Variants in KSR2 observed in about 807,000 individuals in gnomAD.
KSR2 encodes kinase suppressor of ras 2.
Under a neutral mutation model 107.8 loss-of-function variants are expected in KSR2, and 25 were observed. The observed-to-expected ratio is 0.23, with a 90% CI of 0.17 to 0.32. KSR2 has a LOEUF of 0.32. KSR2 is among the 10% of genes least tolerant of loss of function. The pLI, the probability that KSR2 is intolerant of heterozygous loss-of-function variation, is 1.00. For synonymous variants in KSR2, 480 were observed against 507.0 expected (o/e 0.95, Z 0.71); for missense variants, 887 against 1,268.9 (o/e 0.70, Z 4.57).
chr12:117,726,121 T>C (rs983412708), intron 4 of KSR2, among the ~76,000 whole-genome samples: 5 of 151,910 alleles, frequency 3.3e-5, no homozygotes, highest in East Asian at 1.9e-4. Flanking sequence ...TGAGCCCAGA[T>C]AGCATCACTG....
chr12:117,876,422 G>A (rs928146576), intron 1 of KSR2, among the ~76,000 whole-genome samples: 4 of 152,208 alleles, frequency 2.6e-5, no homozygotes, highest in Admixed American at 6.5e-5. Context: ...CAGTCCCGCC[G>A]AATGCTGGAA....
At chr12:117,736,531 C>T (rs585155) in intron 4 of KSR2, among the ~76,000 whole-genome samples, 136,486 of 152,258 alleles carry the variant, frequency 0.9, 61,483 homozygotes, top group African/African-American at 0.98. Context: ...AAGAACCAGC[C>T]GGGCACAGTG....
chr12:117,725,293 A>G (rs1280024805), intron 4 of KSR2, among the ~76,000 whole-genome samples: 1 of 152,206 alleles, frequency 6.6e-6, no homozygotes. Context: ...CCAGAGAGGT[A>G]AGACAGTGTC....
intron 1 of KSR2, among the ~76,000 whole-genome samples, chr12:117,861,551 G>C (rs541301813): frequency 2.0e-5 from 3 of 151,788 alleles, no homozygotes; most frequent in Non-Finnish European, 4.4e-5. Flanking sequence ...ACCACACCCG[G>C]CTAATTTTTT....
rs139303473 is a variant in KSR2 at position 117,871,315 on chromosome 12, G to A, written c.181-10884C>T. ...CAAGGAATGTCACGCCAGGCCAAGC[G>A]CGGTGGCTCACACCTGTAGTCTCAG... is the stretch of plus-strand genomic sequence containing the variant. On this transcript the variant is annotated intron_variant, in intron 1 of 19. Coordinates refer to ENST00000339824, the MANE Select transcript of KSR2 (RefSeq NM_173598.6). Among the ~76,000 whole-genome samples the A allele has an allele frequency of 1.6e-3, 243 of 152,236 alleles. No individual in the cohort carries two copies. The East Asian group carries it at 0.024, about 15-fold the overall frequency.
chr12:117,627,593 T>C (rs1483460192), intron 5 of KSR2, among the ~76,000 whole-genome samples: 1 of 152,220 alleles, frequency 6.6e-6, no homozygotes, highest in Non-Finnish European at 1.5e-5. Flanking sequence ...TGGGCTTCCC[T>C]TTGTGGGTAA....
chr12:117,624,901 C>T (rs530740527), intron 5 of KSR2, among the ~76,000 whole-genome samples: 128 of 152,232 alleles, frequency 8.4e-4, no homozygotes, highest in Non-Finnish European at 1.6e-3. Context: ...TTATAGTTCT[C>T]CTTGAAGAGG....
chr12:117,693,924 C>T (rs1885938270), intron 4 of KSR2, among the ~76,000 whole-genome samples: 1 of 152,208 alleles, frequency 6.6e-6, no homozygotes, highest in African/African-American at 2.4e-5. Context: ...GCTCTTGCCT[C>T]TTGAATAACT....
intron 9 of KSR2, among the ~76,000 whole-genome samples, chr12:117,548,704 T>C (rs1186920544): frequency 6.6e-6 from 1 of 152,160 alleles, no homozygotes. Context: ...AAAGTACAAT[T>C]ACTCCATCTT....
At chr12:117,600,858 C>T (rs535745490) in intron 5 of KSR2, among the ~76,000 whole-genome samples, 39 of 152,108 alleles carry the variant, frequency 2.6e-4, no homozygotes, top group African/African-American at 8.9e-4. Context: ...TCTGTACTTG[C>T]AAGGAAGAAA....
At chr12:117,680,120 C>T (rs931480427) in intron 4 of KSR2, among the ~76,000 whole-genome samples, 7 of 152,182 alleles carry the variant, frequency 4.6e-5, no homozygotes, top group Non-Finnish European at 8.8e-5. Flanking sequence ...CCTCAGCATA[C>T]AGCTTCTCTC....
At chr12:117,601,477 T>C (rs1593038464) in intron 5 of KSR2, among the ~76,000 whole-genome samples, 1 of 151,536 alleles carries the variant, frequency 6.6e-6, no homozygotes, top group African/African-American at 2.4e-5. Context: ...CAGGGGAAAA[T>C]GGACACAGAG....
At chr12:117,935,428 T>G (rs958865253) in intron 1 of KSR2, among the ~76,000 whole-genome samples, 1 of 152,156 alleles carries the variant, frequency 6.6e-6, no homozygotes, top group Non-Finnish European at 1.5e-5. Context: ...CCCTCCAATG[T>G]GTTCATTTCA....
At chr12:117,901,890 T>C (rs1416392178) in intron 1 of KSR2, among the ~76,000 whole-genome samples, 1 of 152,178 alleles carries the variant, frequency 6.6e-6, no homozygotes, top group Non-Finnish European at 1.5e-5. Context: ...TTTATTACCT[T>C]TTCCACTCAG....
chr12:117,529,767 C>T (rs1875480151), intron 12 of KSR2, among the ~76,000 whole-genome samples: 1 of 151,972 alleles, frequency 6.6e-6, no homozygotes, highest in Admixed American at 6.5e-5. Flanking sequence ...CTTTGGGAGG[C>T]TGAGGTGGAA....
chr12:117,548,718 G>A (rs185857609), intron 9 of KSR2, among the ~76,000 whole-genome samples: 1 of 152,256 alleles, frequency 6.6e-6, no homozygotes, highest in Admixed American at 6.5e-5. Flanking sequence ...CCATCTTCCT[G>A]GAAGCAGAGT....
At chr12:117,555,870 T>G (rs1426214694) in intron 8 of KSR2, among the ~76,000 whole-genome samples, 1 of 152,212 alleles carries the variant, frequency 6.6e-6, no homozygotes, top group Non-Finnish European at 1.5e-5. Context: ...CTTCTGTTAC[T>G]TCTATTACTC....
intron 1 of KSR2, among the ~76,000 whole-genome samples, chr12:117,940,859 G>A (rs746507372): frequency 6.6e-6 from 1 of 152,146 alleles, no homozygotes; most frequent in Non-Finnish European, 1.5e-5. Context: ...GCTGAGGCGG[G>A]TGGATCACTT....
chr12:117,722,680 C>T lies in KSR2; in HGVS notation c.986+38331G>A, dbSNP rs139538114. On this transcript the variant is annotated intron_variant, in intron 4 of 19. Coordinates refer to ENST00000339824, the MANE Select transcript of KSR2 (RefSeq NM_173598.6). Reference sequence around the variant, plus strand: ...ATCAAGAAATAACCATAAAAATGGGCAACCAGTAGCCCTCAGGGCTGCTCT... The same window carrying T: ...ATCAAGAAATAACCATAAAAATGGGTAACCAGTAGCCCTCAGGGCTGCTCT... Among the ~76,000 whole-genome samples the T allele has an allele frequency of 6.4e-3, 980 of 152,290 alleles. 12 individuals carry two copies. Among genetic ancestry groups the T allele is most frequent in the African/African-American group, 0.022 (919 of 41,548 alleles).
Sources: gnomAD v4.1 joint callset for allele counts (sites outside exome capture counted in the v4.1 genomes callset) on GRCh38, gnomAD v4.1.1 for gene constraint, MANE v1.5 for transcripts, NCBI Gene and HGNC (gene_info 2026-07-23, HGNC 2026-07-21) for gene names.